PALS2: variants seen among roughly 807,000 people sequenced by gnomAD.
PALS2 encodes the protein protein PALS2.
PALS2 carries 27 observed loss-of-function variants against 61.6 expected under a neutral mutation model. The ratio of observed to expected loss-of-function variants is 0.44; its 90% CI spans 0.32 to 0.60. The LOEUF is 0.60. Among genes scored for constraint, PALS2 ranks in the 20% least tolerant of loss-of-function variants. The probability of loss-of-function intolerance (pLI) is 0.05; values close to 1 mark genes in which losing one functional copy is unlikely to be tolerated. For synonymous variants in PALS2, 236 were observed against 218.6 expected, an observed-to-expected ratio of 1.08 and a Z score of -0.70; for missense variants, 554 against 639.4, an observed-to-expected ratio of 0.87 and a Z score of 1.44.
Position 24,641,749 on chromosome 7 carries a change from G to C in PALS2, c.151G>C (p.Ala51Pro). The C allele has an allele frequency of 1.2e-6, 2 of 1,611,698 alleles. No homozygotes were observed. Among genetic ancestry groups the C allele is most frequent in the Non-Finnish European group, 1.7e-6 (2 of 1,178,776 alleles). ...GAGGCTAGAAGATTCCAAACTAGAA[G>C]CTGTCAGTGACAATAACTTGGAATT... ...HERLEDSKLE[A>P]VSDNNLELVN... The change falls in exon 3 of 12, where the codon GCT becomes CCT. Residue 51 changes from alanine to proline, a missense_variant. Physicochemically the swap from Ala to Pro is conservative, Grantham distance 27. Coordinates refer to ENST00000222644, the MANE Select transcript of PALS2 (RefSeq NM_001303037.2).
At chr7:24,675,797 G>C (rs1306390657) in intron 9 of PALS2, among the ~76,000 whole-genome samples, 17 of 121,488 alleles carry the variant, frequency 1.4e-4, no homozygotes, top group Non-Finnish European at 2.4e-4. Context: ...ATCATTGTTG[G>C]ACATTTGGAT....
intron 1 of PALS2, among the ~76,000 whole-genome samples, chr7:24,611,914 G>A (rs549109480): frequency 6.6e-6 from 1 of 151,866 alleles, no homozygotes; most frequent in Admixed American, 6.6e-5. Flanking sequence ...GTTATATGTA[G>A]ATACCAGGCT....
At chr7:24,648,264 A>G (rs1583941881) in intron 3 of PALS2, among the ~76,000 whole-genome samples, 1 of 148,922 alleles carries the variant, frequency 6.7e-6, no homozygotes, top group East Asian at 2.0e-4. Flanking sequence ...TATGTTGAAT[A>G]TGCACAGTTG....
chr7:24,674,055 A>G (rs1175373175), intron 9 of PALS2, among the ~76,000 whole-genome samples: 1 of 152,102 alleles, frequency 6.6e-6, no homozygotes, highest in Non-Finnish European at 1.5e-5. Context: ...ATGGCTACAG[A>G]GACTTTAAAA....
At position 24,693,314 on chromosome 7, in the gene PALS2, A is replaced by G. The variant is rs976863199; in HGVS notation, c.*5700A>G. 1 of 152,216 alleles carries G rather than the reference A, an allele frequency of 6.6e-6. No individual in the cohort carries two copies. Among genetic ancestry groups the G allele is most frequent in the African/African-American group, 2.4e-5 (1 of 41,468 alleles). The allele number at this position is 152,216 out of a possible 1,614,324, so 9.4% of individuals were successfully genotyped here. On this transcript the variant is annotated 3_prime_UTR_variant, in exon 12 of 12. Coordinates refer to ENST00000222644, the MANE Select transcript of PALS2 (RefSeq NM_001303037.2). ...CCAACAGCAAGCCAGGGGAAGGAAC[A>G]TACATAAATATGACAGGTCATATAT...
intron 10 of PALS2, 119 bp from the exon 11 acceptor site, chr7:24,680,273 T>C (rs1584005217): frequency 1.0e-6 from 1 of 974,058 alleles, no homozygotes; most frequent in Non-Finnish European, 1.5e-6. Flanking sequence ...GGGATAAGTA[T>C]TAAGTTATGT....
At chr7:24,671,900 A>G (rs75954251) in intron 9 of PALS2, among the ~76,000 whole-genome samples, 210 of 151,930 alleles carry the variant, frequency 1.4e-3, no homozygotes, top group African/African-American at 4.9e-3. Context: ...ATTAACCTAG[A>G]TGTCTGTCCT....
In PALS2 at chr7:24,687,645, A is replaced by C. The variant is rs763728779; in HGVS notation, c.*31A>C. On this transcript the variant is annotated 3_prime_UTR_variant, in exon 12 of 12. Transcript: ENST00000222644. The surrounding 1 kb of genome is among the most constrained non-coding windows in gnomAD (Gnocchi z 4.5). ...CAGTAAGGTTAACAATGAAAATTAA[A>C]CTCTTAAAAAGTGACTGCAACAAAT... is the stretch of plus-strand genomic sequence containing the variant. The C allele has an allele frequency of 1.9e-6, 3 of 1,559,044 alleles. No individual in the cohort carries two copies. The highest frequency in any genetic ancestry group is 1.7e-6 in the Non-Finnish European group (2 of 1,157,842).
chr7:24,682,552 C>T (rs932936389), intron 11 of PALS2, among the ~76,000 whole-genome samples: 21 of 152,106 alleles, frequency 1.4e-4, no homozygotes, highest in African/African-American at 4.6e-4. Context: ...CTGGGGTAAT[C>T]ATAAGAGTCA....
chr7:24,624,077 TC>T lies in PALS2; in HGVS notation c.117+295del, dbSNP rs1338011812. 3 of 1,337,386 alleles carry T rather than the reference TC, an allele frequency of 2.2e-6. No homozygotes were observed. In the African/African-American group the frequency reaches 4.4e-5, roughly 20 times the overall value. 82.8% of individuals were successfully genotyped at this position (1,337,386 alleles called of 1,614,324 possible). ...GTTTTAACAGGGCCTGTGAAAAAGATCCTGATCCTATTTCCATTTTCAACAA... is the reference window on the plus strand; with the variant it reads ...GTTTTAACAGGGCCTGTGAAAAAGATCTGATCCTATTTCCATTTTCAACAA... On this transcript the variant is annotated intron_variant, in intron 2 of 11. Coordinates refer to ENST00000222644, the MANE Select transcript of PALS2 (RefSeq NM_001303037.2).
chr7:24,625,536 G>A (rs980921659), intron 2 of PALS2, among the ~76,000 whole-genome samples: 13 of 152,166 alleles, frequency 8.5e-5, no homozygotes, highest in African/African-American at 3.1e-4. Context: ...TGAGGTTTAG[G>A]CCATGTGTTC....
At chr7:24,648,053 A>G (rs1413777746) in intron 3 of PALS2, among the ~76,000 whole-genome samples, 1 of 152,194 alleles carries the variant, frequency 6.6e-6, no homozygotes, top group Non-Finnish European at 1.5e-5. Flanking sequence ...TATAGGAAGA[A>G]TCCTTACATA....
chr7:24,642,346 T>C (rs895377389), intron 3 of PALS2, among the ~76,000 whole-genome samples: 1 of 152,184 alleles, frequency 6.6e-6, no homozygotes, highest in Non-Finnish European at 1.5e-5. Context: ...AGTATGATTT[T>C]AGCAATGGCC....
intron 11 of PALS2, among the ~76,000 whole-genome samples, chr7:24,682,001 A>T (rs1370895875): frequency 1.3e-5 from 2 of 152,084 alleles, no homozygotes; most frequent in Non-Finnish European, 2.9e-5. Flanking sequence ...TCTCTTTATT[A>T]TGAGTATATC....
At chr7:24,665,797 C>T (rs774352206) in intron 7 of PALS2, 110 bp downstream of exon 7, 2 of 1,043,072 alleles carry the variant, frequency 1.9e-6, no homozygotes, top group Non-Finnish European at 2.8e-6. Context: ...TAGAATGAAT[C>T]CCTCCCTCTG....
intron 1 of PALS2, among the ~76,000 whole-genome samples, chr7:24,580,549 G>A (rs958591145): frequency 3.3e-5 from 5 of 152,090 alleles, no homozygotes; most frequent in African/African-American, 1.2e-4. Flanking sequence ...TCCCTCCTCT[G>A]CCTTCTTGTT....
intron 1 of PALS2, among the ~76,000 whole-genome samples, chr7:24,605,329 G>A (rs1003191146): frequency 6.6e-6 from 1 of 152,102 alleles, no homozygotes; most frequent in African/African-American, 2.4e-5. Flanking sequence ...ATGTTCCTCA[G>A]ACGCTAAATA....
At chr7:24,634,149 C>A (rs1454969558) in intron 2 of PALS2, among the ~76,000 whole-genome samples, 1 of 152,184 alleles carries the variant, frequency 6.6e-6, no homozygotes, top group Non-Finnish European at 1.5e-5. Flanking sequence ...ATATCATTTG[C>A]AAATATTTCT....
In PALS2 at chr7:24,692,095, T is replaced by G. The variant is rs940697278; in HGVS notation, c.*4481T>G. The G allele has an allele frequency of 2.0e-5, 3 of 152,170 alleles. No homozygotes were observed. Among genetic ancestry groups the G allele is most frequent in the African/African-American group, 7.2e-5 (3 of 41,458 alleles). 9.4% of individuals were successfully genotyped at this position (152,170 alleles called of 1,614,324 possible). ...TATATTCTTTTTAAAATATTTCCCA[T>G]AATTCATCATGCTAGCTTCTGTGTT... is the stretch of plus-strand genomic sequence containing the variant. On this transcript the variant is annotated 3_prime_UTR_variant, in exon 12 of 12. Coordinates refer to ENST00000222644, the MANE Select transcript of PALS2 (RefSeq NM_001303037.2).
Sources: allele counts gnomAD v4.1 joint callset (sites outside exome capture counted in the v4.1 genomes callset), GRCh38; gene constraint gnomAD v4.1.1; non-coding constraint Gnocchi (gnomAD v3.1); transcripts MANE v1.5; gene names NCBI Gene and HGNC (gene_info 2026-07-23, HGNC 2026-07-21).